The following PIGU variants were observed in gnomAD, a reference collection of about 807,000 sequenced individuals.
The protein encoded by PIGU is GPI-anchor transamidase component PIGU.
A neutral mutation model predicts 49.9 loss-of-function variants in PIGU; 24 were observed. The observed-to-expected ratio is 0.48, with a 90% CI of 0.35 to 0.68. PIGU has a LOEUF of 0.68. Among genes scored for constraint, PIGU ranks in the 30% least tolerant of loss-of-function variants. The pLI is 0.01. For missense variants in PIGU, 490 were observed against 532.6 expected (o/e 0.92, Z 0.79); for synonymous variants, 220 against 205.7 (o/e 1.07, Z -0.59).
At chr20:34,578,744 G>A (rs1349112933) in intron 10 of PIGU, among the ~76,000 whole-genome samples, 3 of 152,216 alleles carry the variant, frequency 2.0e-5, no homozygotes, top group African/African-American at 7.2e-5. Flanking sequence ...TGGCTGACAG[G>A]CCAGAAGATT....
At chr20:34,585,669 C>T in intron 8 of PIGU, 89 bp from the exon 9 acceptor site, 2 of 1,467,554 alleles carry the variant, frequency 1.4e-6, no homozygotes, top group South Asian at 2.6e-5. Context: ...ACTTTGGTCA[C>T]TGCTGGGCAG....
At chr20:34,641,376 T>G (rs1469020513) in intron 4 of PIGU, among the ~76,000 whole-genome samples, 1 of 152,082 alleles carries the variant, frequency 6.6e-6, no homozygotes, top group Non-Finnish European at 1.5e-5. Context: ...GCCTCCAAAT[T>G]TACAACCCTC....
At chr20:34,666,205 A>G (rs916306348) in intron 1 of PIGU, among the ~76,000 whole-genome samples, 1 of 152,122 alleles carries the variant, frequency 6.6e-6, no homozygotes, top group African/African-American at 2.4e-5. Flanking sequence ...AGTTCCAGTA[A>G]TATCATGCTG....
In PIGU at chr20:34,662,396, CT is replaced by C. The variant is rs34871084; in HGVS notation, c.131-5153del. Among the ~76,000 whole-genome samples, 141 of 131,252 alleles carry C rather than the reference CT, an allele frequency of 1.1e-3. 1 individual carries two copies. Among genetic ancestry groups the C allele is most frequent in the East Asian group, 4.8e-3 (22 of 4,562 alleles). 86.1% of individuals were successfully genotyped at this position (131,252 alleles called of 152,430 possible). A position where few individuals can be genotyped will look rare whatever the true frequency, so the allele number is the denominator to read the frequency against. On this transcript the variant is annotated intron_variant, in intron 1 of 11. Transcript: ENST00000217446. ...TGAGCCACCATGCCCAGCCCTTTGC[CT>C]TTTTTTTTTTTTTTTTGAGACAGAG... is the stretch of plus-strand genomic sequence containing the variant.
intron 11 of PIGU, among the ~76,000 whole-genome samples, chr20:34,570,274 C>T (rs1982948864): frequency 2.6e-5 from 4 of 152,198 alleles, no homozygotes; most frequent in African/African-American, 9.7e-5. Flanking sequence ...ACAAATAAGC[C>T]TCTCTCTCCA....
chr20:34,624,881 A>G (rs1433584103), intron 6 of PIGU, among the ~76,000 whole-genome samples: 5 of 152,142 alleles, frequency 3.3e-5, no homozygotes, highest in Non-Finnish European at 5.9e-5. Flanking sequence ...CTGGGCTGCC[A>G]CAAAGGAAGC....
intron 1 of PIGU, among the ~76,000 whole-genome samples, chr20:34,661,124 A>G (rs988220326): frequency 2.6e-5 from 4 of 152,246 alleles, no homozygotes; most frequent in African/African-American, 9.6e-5. Flanking sequence ...GTAGGTCAAA[A>G]GACAGCATAT....
chr20:34,569,013 C>T (rs1467045698), intron 11 of PIGU, among the ~76,000 whole-genome samples: 2 of 151,788 alleles, frequency 1.3e-5, no homozygotes, highest in Admixed American at 6.6e-5. Context: ...AGTTCGAGCT[C>T]GTAACAACAT....
Position 34,661,586 on chromosome 20 carries a change from A to G in PIGU, c.131-4342T>C, listed in dbSNP as rs1281649197. Among the ~76,000 whole-genome samples the G allele has an allele frequency of 3.3e-5, 5 of 150,636 alleles. No individual in the cohort carries two copies. In the Admixed American group the frequency reaches 3.3e-4, roughly 10 times the overall value. On this transcript the variant is annotated intron_variant, in intron 1 of 11. Coordinates refer to ENST00000217446, the MANE Select transcript of PIGU (RefSeq NM_080476.5). ...AATGCTGCATAGTGTTCCATGGTGT[A>G]TATGTACATTTTCTTTATCCAGTCC...
At chr20:34,606,249 C>T (rs915292929) in intron 7 of PIGU, among the ~76,000 whole-genome samples, 23 of 131,878 alleles carry the variant, frequency 1.7e-4, no homozygotes, top group Non-Finnish European at 3.1e-4. Context: ...AGTGAGACTC[C>T]GTCTCAAAAA....
intron 7 of PIGU, among the ~76,000 whole-genome samples, chr20:34,592,557 A>G (rs1423817268): frequency 1.3e-5 from 2 of 152,166 alleles, no homozygotes; most frequent in Admixed American, 6.5e-5. Flanking sequence ...TATTTTAAAA[A>G]AGGTGAAATG....
intron 5 of PIGU, 21 bp downstream of exon 5, chr20:34,637,855 G>A (rs752639372): frequency 1.5e-5 from 24 of 1,605,254 alleles, no homozygotes; most frequent in Admixed American, 8.7e-5. Flanking sequence ...CACTAAGCCT[G>A]TTTTGTCAGG....
intron 4 of PIGU, among the ~76,000 whole-genome samples, chr20:34,641,645 CATCTGT>C (rs1986167452): frequency 6.6e-6 from 1 of 152,124 alleles, no homozygotes; most frequent in South Asian, 2.1e-4. Context: ...CTCCCAGATG[CATCTGT>C]GTGTAGACAT....
chr20:34,613,860 G>T (rs1212374855), intron 7 of PIGU, among the ~76,000 whole-genome samples: 1 of 152,198 alleles, frequency 6.6e-6, no homozygotes, highest in Non-Finnish European at 1.5e-5. Context: ...GAGGTAAGTG[G>T]TCCACTTCTC....
intron 11 of PIGU, among the ~76,000 whole-genome samples, chr20:34,569,032 C>G (rs989827845): frequency 1.3e-5 from 2 of 151,768 alleles, no homozygotes; most frequent in African/African-American, 2.4e-5. Context: ...ATAGCAAGAC[C>G]CTGTCTCTAC....
chr20:34,651,834 T>C (rs1986548884), intron 2 of PIGU, among the ~76,000 whole-genome samples: 1 of 152,042 alleles, frequency 6.6e-6, no homozygotes, highest in Non-Finnish European at 1.5e-5. Flanking sequence ...ACAGCTCCGG[T>C]GGCTCACACC....
intron 7 of PIGU, among the ~76,000 whole-genome samples, chr20:34,603,154 T>C: frequency 6.6e-6 from 1 of 152,148 alleles, no homozygotes; most frequent in East Asian, 1.9e-4. Context: ...TTCTTGCAAA[T>C]TGCAGCTATA....
intron 1 of PIGU, among the ~76,000 whole-genome samples, chr20:34,672,187 C>T (rs945896773): frequency 2.6e-5 from 4 of 152,040 alleles, no homozygotes; most frequent in African/African-American, 7.2e-5. Context: ...GTGATCCTCC[C>T]GCCTCGGCCT....
At chr20:34,567,914 G>A (rs1982842633) in intron 11 of PIGU, among the ~76,000 whole-genome samples, 1 of 151,644 alleles carries the variant, frequency 6.6e-6, no homozygotes, top group African/African-American at 2.4e-5. Context: ...CCCACTTAGA[G>A]GCCACCTTCC....
Sources: gnomAD v4.1 joint callset for allele counts (sites outside exome capture counted in the v4.1 genomes callset) on GRCh38, gnomAD v4.1.1 for gene constraint, MANE v1.5 for transcripts, NCBI Gene and HGNC (gene_info 2026-07-23, HGNC 2026-07-21) for gene names.